SPMIP4: variants seen among roughly 807,000 people sequenced by gnomAD.
SPMIP4 encodes the protein sperm-associated microtubule inner protein 4.
the SPMIP4 span, chr7:25,180,340 G>A: frequency 6.6e-6 from 1 of 152,380 alleles, no homozygotes; most frequent in African/African-American, 2.4e-5. Flanking sequence ...CCGGGTCGGA[G>A]GCGAGAGGGG....
the SPMIP4 span, chr7:25,142,314 G>C: frequency 6.2e-7 from 1 of 1,610,878 alleles, no homozygotes; most frequent in South Asian, 1.1e-5. Flanking sequence ...CAGTTCAAGG[G>C]GGTCCATGGG....
the SPMIP4 span, among the ~76,000 whole-genome samples, chr7:25,145,165 G>C: frequency 6.6e-6 from 1 of 152,100 alleles, no homozygotes; most frequent in South Asian, 2.1e-4. Flanking sequence ...GTTTCACCAT[G>C]GTTGGCCAGG....
At chr7:25,177,613 C>A in the SPMIP4 span, among the ~76,000 whole-genome samples, 1 of 152,030 alleles carries the variant, frequency 6.6e-6, no homozygotes, top group African/African-American at 2.4e-5. Flanking sequence ...AAATACAATA[C>A]AGGAAATGCT....
the SPMIP4 span, among the ~76,000 whole-genome samples, chr7:25,172,050 A>G: frequency 6.6e-6 from 1 of 152,216 alleles, no homozygotes; most frequent in African/African-American, 2.4e-5. This position sits in a 1 kb window ranked among gnomAD's most constrained non-coding sequence, Gnocchi z 4.2. Context: ...AGGAAACAGA[A>G]GAAATACTGT....
chr7:25,173,011 G>A, the SPMIP4 span, among the ~76,000 whole-genome samples: 5 of 149,752 alleles, frequency 3.3e-5, no homozygotes, highest in South Asian at 2.1e-4. This position sits in a 1 kb window ranked among gnomAD's most constrained non-coding sequence, Gnocchi z 4.4. Context: ...GGAGGAGGGC[G>A]AGAGAAGGAA....
the SPMIP4 span, among the ~76,000 whole-genome samples, chr7:25,139,246 C>T: frequency 6.6e-6 from 1 of 151,970 alleles, no homozygotes; most frequent in East Asian, 1.9e-4. Flanking sequence ...CTAATGTCTG[C>T]AATTTACTCT....
At chr7:25,153,225 A>G in the SPMIP4 span, among the ~76,000 whole-genome samples, 2 of 152,184 alleles carry the variant, frequency 1.3e-5, no homozygotes, top group African/African-American at 4.8e-5. Flanking sequence ...CAGGAAATTA[A>G]GATGACAACT....
chr7:25,179,061 A>G, the SPMIP4 span: 2 of 1,231,316 alleles, frequency 1.6e-6, no homozygotes, highest in Non-Finnish European at 2.2e-6. Context: ...AAACAAACAA[A>G]CAAACAAGAA....
At chr7:25,134,552 G>C in the SPMIP4 span, 1 of 424,884 alleles carries the variant, frequency 2.4e-6, no homozygotes, top group South Asian at 9.8e-5. Context: ...AGAAGGCTGT[G>C]CCACCCTTGC....
At chr7:25,159,093 A>G in the SPMIP4 span, among the ~76,000 whole-genome samples, 1 of 152,156 alleles carries the variant, frequency 6.6e-6, no homozygotes, top group African/African-American at 2.4e-5. Context: ...ATGATAAGAG[A>G]GCTCTGGTTC....
chr7:25,142,415 A>T, the SPMIP4 span: 1 of 1,055,530 alleles, frequency 9.5e-7, no homozygotes, highest in Non-Finnish European at 1.4e-6. Flanking sequence ...AAACTTACCC[A>T]TTCCTTTTGT....
the SPMIP4 span, among the ~76,000 whole-genome samples, chr7:25,129,503 G>C: frequency 2.6e-5 from 4 of 152,174 alleles, no homozygotes; most frequent in Non-Finnish European, 4.4e-5. Flanking sequence ...CACTGCTGGG[G>C]GATGTGGAAG....
the SPMIP4 span, chr7:25,135,058 T>C: frequency 1.8e-6 from 1 of 548,824 alleles, no homozygotes; most frequent in Non-Finnish European, 2.3e-6. Context: ...CTTAAAGAAA[T>C]TCCTCTTGAA....
the SPMIP4 span, among the ~76,000 whole-genome samples, chr7:25,152,483 C>T: frequency 6.6e-6 from 1 of 152,164 alleles, no homozygotes. Context: ...GTTTTATATA[C>T]ATCATCACAT....
chr7:25,153,326 G>A, the SPMIP4 span, among the ~76,000 whole-genome samples: 2 of 152,088 alleles, frequency 1.3e-5, no homozygotes, highest in Admixed American at 1.3e-4. Context: ...CACTTTGTGA[G>A]GCTGAGGCGG....
the SPMIP4 span, among the ~76,000 whole-genome samples, chr7:25,132,837 A>T: frequency 6.6e-6 from 1 of 152,216 alleles, no homozygotes; most frequent in Non-Finnish European, 1.5e-5. This position sits in a 1 kb window ranked among gnomAD's most constrained non-coding sequence, Gnocchi z 5.0. Flanking sequence ...CATTTTGCTC[A>T]AATTTCCGAA....
At chr7:25,150,334 T>C in the SPMIP4 span, among the ~76,000 whole-genome samples, 91,048 of 152,056 alleles carry the variant, frequency 0.6, 28,466 homozygotes, top group Non-Finnish European at 0.69. Context: ...TGTTTAGATA[T>C]AGATTTTGCT....
At chr7:25,149,646 T>C in the SPMIP4 span, among the ~76,000 whole-genome samples, 1 of 152,210 alleles carries the variant, frequency 6.6e-6, no homozygotes, top group Non-Finnish European at 1.5e-5. Context: ...ATAATTTAAT[T>C]GATGAAATAT....
chr7:25,175,054 T>C, the SPMIP4 span, among the ~76,000 whole-genome samples: 130 of 152,270 alleles, frequency 8.5e-4, no homozygotes, highest in African/African-American at 3.1e-3. Flanking sequence ...GCTAGCCCAG[T>C]AGTTCTCAAT....
Sources: gnomAD v4.1 joint callset for allele counts (sites outside exome capture counted in the v4.1 genomes callset) on GRCh38, gnomAD v4.1.1 for gene constraint, Gnocchi (gnomAD v3.1) non-coding constraint, MANE v1.5 for transcripts, NCBI Gene and HGNC (gene_info 2026-07-23, HGNC 2026-07-21) for gene names.